Variants in DAGLA observed in about 807,000 individuals in gnomAD.
DAGLA encodes diacylglycerol lipase-alpha.
DAGLA carries 22 observed loss-of-function variants against 102.6 expected under a neutral mutation model. The observed-to-expected ratio is 0.21, with a 90% confidence interval of 0.15 to 0.31. The LOEUF is 0.31. DAGLA is among the 10% of genes least tolerant of loss of function. DAGLA has a pLI of 1.00. For synonymous variants in DAGLA, 578 were observed against 628.9 expected (o/e 0.92, Z 1.21); for missense variants, 927 against 1,446.6 (o/e 0.64, Z 5.83).
At chr11:61,687,700 G>T (rs1350619354) in intron 1 of DAGLA, among the ~76,000 whole-genome samples, 1 of 152,220 alleles carries the variant, frequency 6.6e-6, no homozygotes, top group Non-Finnish European at 1.5e-5. Flanking sequence ...GAGCATGTGT[G>T]TTCCCCTCAC....
rs1310021946 is a variant in DAGLA at position 61,746,348 on chromosome 11, ACT to A, written c.*1863_*1864del. On this transcript the variant is annotated 3_prime_UTR_variant, in exon 20 of 20. Transcript: ENST00000257215. ...TCTTAGAGTTTAGAAAACAAGACAG[ACT>A]CTCAGATGAAAGATCTGACAAGCAC... is the stretch of plus-strand genomic sequence containing the variant. 2 of 152,408 alleles carry A rather than the reference ACT, an allele frequency of 1.3e-5. No homozygotes were observed. The highest frequency in any genetic ancestry group is 4.8e-5 in the African/African-American group (2 of 41,424). The allele number at this position is 152,408 out of a possible 1,614,324, so 9.4% of individuals were successfully genotyped here.
At chr11:61,693,492 G>T (rs1329655597) in intron 1 of DAGLA, among the ~76,000 whole-genome samples, 6 of 151,536 alleles carry the variant, frequency 4.0e-5, no homozygotes, top group South Asian at 4.2e-4. Context: ...GGGACTACAG[G>T]CGCCCACCAC....
intron 10 of DAGLA, 29 bp downstream of exon 10, chr11:61,735,031 G>A: frequency 6.2e-7 from 1 of 1,605,346 alleles, no homozygotes. Context: ...GGGGCCTGGT[G>A]TCAGGAGCAG....
intron 4 of DAGLA, among the ~76,000 whole-genome samples, chr11:61,723,181 G>A (rs554713541): frequency 1.3e-5 from 2 of 152,278 alleles, no homozygotes; most frequent in South Asian, 2.1e-4. Flanking sequence ...AGGTCAAGCC[G>A]AGGCTCCTCA....
In DAGLA at chr11:61,736,260, G is replaced by C; in HGVS notation, c.1291-10G>C. 3 of 1,613,588 alleles carry C rather than the reference G, an allele frequency of 1.9e-6. No homozygotes were observed. The highest frequency in any genetic ancestry group is 2.5e-6 in the Non-Finnish European group (3 of 1,179,540). On this transcript the variant is annotated splice_polypyrimidine_tract_variant and intron_variant, in intron 12 of 19. Coordinates refer to ENST00000257215, the MANE Select transcript of DAGLA (RefSeq NM_006133.3). ...CCCACCAACACCTGCTTCTGTTCCTGCCCACCCAGGGTATGGTCCTCTCAG... is the reference window on the plus strand; with the variant it reads ...CCCACCAACACCTGCTTCTGTTCCTCCCCACCCAGGGTATGGTCCTCTCAG...
At chr11:61,691,737 G>A (rs370511046) in intron 1 of DAGLA, among the ~76,000 whole-genome samples, 5 of 152,228 alleles carry the variant, frequency 3.3e-5, no homozygotes, top group Admixed American at 6.5e-5. Context: ...ATGGGAAACC[G>A]CAGGGGGTGT....
intron 1 of DAGLA, among the ~76,000 whole-genome samples, chr11:61,718,991 C>G (rs1000806780): frequency 1.3e-5 from 2 of 152,230 alleles, no homozygotes; most frequent in Non-Finnish European, 2.9e-5. Flanking sequence ...CCGCCTGCCC[C>G]GGACCAGGTG....
chr11:61,734,043 A>AAAT lies in DAGLA; in HGVS notation c.975-804_975-803insTAA, dbSNP rs2065401675. ...AGACAGGGCGTTGCTGTAGGGTCTTAAAAAGAAAATGATGTGGCTCAACTT... is the reference window on the plus strand; with the variant it reads ...AGACAGGGCGTTGCTGTAGGGTCTTAAATAAAAGAAAATGATGTGGCTCAACTT... On this transcript the variant is annotated intron_variant, in intron 9 of 19. Coordinates refer to ENST00000257215, the MANE Select transcript of DAGLA (RefSeq NM_006133.3). The surrounding 1 kb of genome is among the most constrained non-coding windows in gnomAD (Gnocchi z 4.2). Among the ~76,000 whole-genome samples, 1 of 152,014 alleles carries AAAT rather than the reference A, an allele frequency of 6.6e-6. No individual in the cohort carries two copies. The highest frequency in any genetic ancestry group is 1.5e-5 in the Non-Finnish European group (1 of 67,998).
intron 6 of DAGLA, 34 bp from the exon 7 acceptor site, chr11:61,728,119 C>G (rs756836807): frequency 6.2e-7 from 1 of 1,612,814 alleles, no homozygotes; most frequent in South Asian, 1.1e-5. Flanking sequence ...TCCTGCTCCC[C>G]TGCCACTGCC....
intron 1 of DAGLA, among the ~76,000 whole-genome samples, chr11:61,713,051 C>G (rs1245974164): frequency 6.6e-6 from 1 of 152,186 alleles, no homozygotes; most frequent in African/African-American, 2.4e-5. Context: ...CATAGTGTTT[C>G]TAGTGCCTTG....
In DAGLA at chr11:61,743,534, G is replaced by T; in HGVS notation, c.2174G>T (p.Ser725Ile). ...CCTGCTCTCCTCTCCCTCTGCAGGA[G>T]CAAGTCCCAGTCTGAGATGAGCCTG... is the stretch of plus-strand genomic sequence containing the variant. The part of the protein sequence containing the change: ...TADHRNSSVR[S>I]KSQSEMSLEG... The change falls in exon 20 of 20, where the codon AGC becomes ATC. Residue 725 changes from serine to isoleucine, a missense_variant and splice_region_variant. By Grantham distance (142) the Ser-to-Ile change is moderately radical. Coordinates refer to ENST00000257215, the MANE Select transcript of DAGLA (RefSeq NM_006133.3). 6.6e-7 allele frequency: 1 copy of T among 1,514,908 alleles called. No homozygotes were observed. The highest frequency in any genetic ancestry group is 1.4e-5 in the African/African-American group (1 of 72,110). 93.8% of individuals were successfully genotyped at this position (1,514,908 alleles called of 1,614,324 possible).
intron 1 of DAGLA, among the ~76,000 whole-genome samples, chr11:61,706,095 C>CT (rs912959128): frequency 2.8e-4 from 43 of 152,384 alleles, no homozygotes; most frequent in African/African-American, 1.0e-3. Context: ...GCAGAACAGT[C>CT]TAACAGGGCC....
intron 1 of DAGLA, among the ~76,000 whole-genome samples, chr11:61,715,277 A>G (rs527938073): frequency 6.8e-6 from 1 of 147,774 alleles, no homozygotes; most frequent in African/African-American, 2.4e-5. Context: ...ATGGATCCCT[A>G]TGGCTGGACC....
In DAGLA at chr11:61,734,648, C is replaced by T. The variant is rs1335473669; in HGVS notation, c.975-201C>T. 3.3e-5 allele frequency among the ~76,000 whole-genome samples: 5 copies of T among 152,124 alleles called. No homozygotes were observed. The highest frequency in any genetic ancestry group is 9.7e-5 in the African/African-American group (4 of 41,418). On this transcript the variant is annotated intron_variant, in intron 9 of 19. Transcript: ENST00000257215. The surrounding 1 kb of genome is among the most constrained non-coding windows in gnomAD (Gnocchi z 4.2). ...GGGAAGGGCCCACAGGGTCAGGTGCCGCCAAGAGCTCAGTTAAGAGGAAGG... is the reference window on the plus strand; with the variant it reads ...GGGAAGGGCCCACAGGGTCAGGTGCTGCCAAGAGCTCAGTTAAGAGGAAGG...
chr11:61,698,305 C>T (rs1345026693), intron 1 of DAGLA, among the ~76,000 whole-genome samples: 1 of 152,236 alleles, frequency 6.6e-6, no homozygotes, highest in Non-Finnish European at 1.5e-5. Flanking sequence ...AGAGGGGCGG[C>T]CCAGCTCTCT....
Position 61,684,390 on chromosome 11 carries a change from ATTTTGATTTTC to A in DAGLA, c.-45+3891_-45+3901del, listed in dbSNP as rs769954640. 6.2e-4 allele frequency among the ~76,000 whole-genome samples: 94 copies of A among 152,070 alleles called. No individual in the cohort carries two copies. The highest frequency in any genetic ancestry group is 1.0e-3 in the Non-Finnish European group (71 of 68,004). ...CAGCGGATAGGGCTGAAAATGGTTTATTTTGATTTTCTTTTTTTGTTTCTGATACTGACTTG... is the reference window on the plus strand; with the variant it reads ...CAGCGGATAGGGCTGAAAATGGTTTATTTTTTTGTTTCTGATACTGACTTG... On this transcript the variant is annotated intron_variant, in intron 1 of 19. Coordinates refer to ENST00000257215, the MANE Select transcript of DAGLA (RefSeq NM_006133.3). This position sits in a 1 kb window ranked among gnomAD's most constrained non-coding sequence, Gnocchi z 4.5.
chr11:61,706,746 C>T (rs1183915084), intron 1 of DAGLA, among the ~76,000 whole-genome samples: 1 of 152,216 alleles, frequency 6.6e-6, no homozygotes, highest in Non-Finnish European at 1.5e-5. Flanking sequence ...TACCACCACC[C>T]CCACCCCAGA....
rs538603027 is a variant in DAGLA at position 61,744,710 on chromosome 11, G to T, written c.*221G>T. ...CTGGCCCCACAGATGGGGAAAGATG[G>T]GGAAGGGTGTGGAGTGGGGAGGAGC... On this transcript the variant is annotated 3_prime_UTR_variant, in exon 20 of 20. Coordinates refer to ENST00000257215, the MANE Select transcript of DAGLA (RefSeq NM_006133.3). The T allele has an allele frequency of 4.5e-5, 24 of 532,984 alleles. No individual in the cohort carries two copies. Among genetic ancestry groups the T allele is most frequent in the Non-Finnish European group, 7.2e-5 (22 of 303,850 alleles). 33.0% of individuals were successfully genotyped at this position (532,984 alleles called of 1,614,324 possible).
intron 13 of DAGLA, among the ~76,000 whole-genome samples, chr11:61,736,611 G>A (rs1171971679): frequency 2.0e-5 from 3 of 152,248 alleles, no homozygotes; most frequent in African/African-American, 4.8e-5. Context: ...CAGGGCAGAC[G>A]GCTTTTAAGC....
Sources: allele counts gnomAD v4.1 joint callset (sites outside exome capture counted in the v4.1 genomes callset), GRCh38; gene constraint gnomAD v4.1.1; non-coding constraint Gnocchi (gnomAD v3.1); transcripts MANE v1.5; gene names NCBI Gene and HGNC (gene_info 2026-07-23, HGNC 2026-07-21).